The following ASTN2 variants were observed in gnomAD, a reference collection of about 807,000 sequenced individuals.
The protein encoded by ASTN2 is astrotactin-2.
In ASTN2, 54 loss-of-function variants were observed where a neutral mutation model predicts 139.8. That is an observed-to-expected ratio of 0.39 (90% CI 0.31 to 0.48). The LOEUF is 0.48. ASTN2 is among the 20% of genes least tolerant of loss of function. The pLI is 0.95. For synonymous variants in ASTN2, 756 were observed against 719.5 expected (o/e 1.05, Z -0.81); for missense variants, 1,565 against 1,725.1 (o/e 0.91, Z 1.64).
Position 116,507,765 on chromosome 9 carries a change from C to T in ASTN2, c.3356-20265G>A, listed in dbSNP as rs1175472841. Among the ~76,000 whole-genome samples the T allele has an allele frequency of 2.6e-5, 4 of 152,170 alleles. No individual in the cohort carries two copies. The East Asian group carries it at 7.7e-4, about 29-fold the overall frequency. On this transcript the variant is annotated intron_variant, in intron 19 of 22. Transcript: ENST00000313400. Reference sequence around the variant, plus strand: ...TTTCTGTCCTTCTGCAAACTCGATCCTCAGGTCCCCATTTCATGTTCACAT... The same window carrying T: ...TTTCTGTCCTTCTGCAAACTCGATCTTCAGGTCCCCATTTCATGTTCACAT...
At chr9:116,841,145 C>T (rs1030039820) in intron 11 of ASTN2, among the ~76,000 whole-genome samples, 1 of 152,260 alleles carries the variant, frequency 6.6e-6, no homozygotes. Flanking sequence ...GAGGCCGAGG[C>T]TGTCGGATCA....
chr9:117,099,329 C>T (rs983906214), intron 4 of ASTN2, among the ~76,000 whole-genome samples: 1 of 152,166 alleles, frequency 6.6e-6, no homozygotes, highest in African/African-American at 2.4e-5. Flanking sequence ...CATAGCCACA[C>T]TTTGAAACAT....
At chr9:117,256,351 C>T (rs1439619781) in intron 2 of ASTN2, among the ~76,000 whole-genome samples, 1 of 152,182 alleles carries the variant, frequency 6.6e-6, no homozygotes, top group Non-Finnish European at 1.5e-5. Flanking sequence ...AAATGCCACT[C>T]TGAGGGTGGA....
intron 13 of ASTN2, among the ~76,000 whole-genome samples, chr9:116,784,079 T>G (rs1232260304): frequency 6.6e-6 from 1 of 152,226 alleles, no homozygotes; most frequent in Non-Finnish European, 1.5e-5. Context: ...TATTTTTTAA[T>G]CACTATTTTC....
intron 1 of ASTN2, among the ~76,000 whole-genome samples, chr9:117,355,020 T>C (rs894594906): frequency 1.8e-4 from 28 of 152,234 alleles, no homozygotes; most frequent in African/African-American, 6.8e-4. Context: ...CCTGTTTTTT[T>C]TAATCCATGA....
intron 16 of ASTN2, among the ~76,000 whole-genome samples, chr9:116,664,905 C>T (rs1858771973): frequency 6.6e-6 from 1 of 152,074 alleles, no homozygotes; most frequent in African/African-American, 2.4e-5. Flanking sequence ...AATGTAATCC[C>T]CAGTGTTGGA....
At position 116,487,507 on chromosome 9, in the gene ASTN2, G is replaced by A. The variant is rs759898304; in HGVS notation, c.3356-7C>T. 37 of 1,611,604 alleles carry A rather than the reference G, an allele frequency of 2.3e-5. No homozygotes were observed. The highest frequency in any genetic ancestry group is 3.1e-5 in the Non-Finnish European group (36 of 1,179,094). ...GCAAAACTCAGGAATTCTCCTGGAG[G>A]GAGAAAAAGAAAGATGAGCTCCCCA... On this transcript the variant is annotated splice_region_variant and splice_polypyrimidine_tract_variant and intron_variant, in intron 19 of 22. Coordinates refer to ENST00000313400, the MANE Select transcript of ASTN2 (RefSeq NM_001365068.1).
intron 5 of ASTN2, among the ~76,000 whole-genome samples, chr9:117,076,405 A>G (rs919646493): frequency 6.6e-6 from 1 of 150,460 alleles, no homozygotes; most frequent in African/African-American, 2.4e-5. Flanking sequence ...GGAAGGAGAA[A>G]AAGAGGGGGG....
At chr9:117,205,596 C>G (rs949208481) in intron 3 of ASTN2, among the ~76,000 whole-genome samples, 4 of 152,054 alleles carry the variant, frequency 2.6e-5, no homozygotes, top group African/African-American at 9.7e-5. Flanking sequence ...TTTAAAAAGC[C>G]CCCCGACTTT....
chr9:117,195,850 A>G (rs1476287894), intron 3 of ASTN2, among the ~76,000 whole-genome samples: 1 of 152,156 alleles, frequency 6.6e-6, no homozygotes, highest in East Asian at 1.9e-4. Context: ...GGACCACTCG[A>G]AACACTCCCA....
chr9:117,230,330 T>C (rs1832854210), intron 2 of ASTN2, among the ~76,000 whole-genome samples: 1 of 152,138 alleles, frequency 6.6e-6, no homozygotes, highest in African/African-American at 2.4e-5. Flanking sequence ...CCCTTGCCTC[T>C]TCTCACTTCT....
intron 10 of ASTN2, among the ~76,000 whole-genome samples, chr9:116,932,771 C>T (rs1450172129): frequency 6.6e-6 from 1 of 151,890 alleles, no homozygotes; most frequent in African/African-American, 2.4e-5. Flanking sequence ...TTTGAGAGGC[C>T]ACGGCGGGTG....
At chr9:117,190,880 T>C (rs1027863714) in intron 3 of ASTN2, among the ~76,000 whole-genome samples, 8 of 152,166 alleles carry the variant, frequency 5.3e-5, no homozygotes, top group African/African-American at 1.9e-4. Flanking sequence ...CATTTGCTTA[T>C]AGTCTTTCTG....
intron 10 of ASTN2, among the ~76,000 whole-genome samples, chr9:116,899,524 T>G (rs1363166887): frequency 6.6e-6 from 1 of 152,152 alleles, no homozygotes; most frequent in Non-Finnish European, 1.5e-5. Flanking sequence ...AAACCCAACA[T>G]AGGAGAAATA....
At chr9:116,828,191 GGAGGCT>G (rs1472218289) in intron 11 of ASTN2, among the ~76,000 whole-genome samples, 1 of 151,976 alleles carries the variant, frequency 6.6e-6, no homozygotes, top group Non-Finnish European at 1.5e-5. Flanking sequence ...CAGCTATTCG[GGAGGCT>G]GAGGCAGGAG....
At chr9:116,648,687 G>A (rs1857735947) in intron 17 of ASTN2, among the ~76,000 whole-genome samples, 1 of 152,144 alleles carries the variant, frequency 6.6e-6, no homozygotes, top group Non-Finnish European at 1.5e-5. Flanking sequence ...TAGCTAGTTA[G>A]TTTTAATAAA....
intron 19 of ASTN2, among the ~76,000 whole-genome samples, chr9:116,587,123 C>T (rs912491287): frequency 1.3e-5 from 2 of 151,990 alleles, no homozygotes; most frequent in African/African-American, 2.4e-5. Context: ...GGCGGATCAC[C>T]TGAGGTCAGG....
At chr9:116,442,349 G>A (rs1337660732) in intron 21 of ASTN2, 104 bp downstream of exon 21, 1 of 872,850 alleles carries the variant, frequency 1.1e-6, no homozygotes, top group Non-Finnish European at 2.0e-6. Flanking sequence ...CTGTGCCAGT[G>A]TGTCAGGGTG....
intron 5 of ASTN2, among the ~76,000 whole-genome samples, chr9:117,071,360 C>G (rs926623202): frequency 6.6e-6 from 1 of 151,772 alleles, no homozygotes; most frequent in African/African-American, 2.4e-5. Flanking sequence ...AAGAGGCAGT[C>G]TGCGGGTTCT....
Sources: allele counts gnomAD v4.1 joint callset (sites outside exome capture counted in the v4.1 genomes callset), GRCh38; gene constraint gnomAD v4.1.1; transcripts MANE v1.5; gene names NCBI Gene and HGNC (gene_info 2026-07-23, HGNC 2026-07-21).